The following CEMIP variants were observed in gnomAD, a reference collection of about 807,000 sequenced individuals.
The protein encoded by CEMIP is cell migration-inducing and hyaluronan-binding protein.
In CEMIP, 105 loss-of-function variants were observed where a neutral mutation model predicts 156.9. The ratio of observed to expected loss-of-function variants is 0.67; its 90% CI spans 0.57 to 0.79. CEMIP has a LOEUF of 0.79. Ranked by LOEUF, CEMIP falls within the 30% of genes least tolerant of loss-of-function variation. CEMIP has a pLI of 0.00. For missense variants in CEMIP, 1,457 were observed against 1,769.4 expected (o/e 0.82, Z 3.17); for synonymous variants, 676 against 668.4 (o/e 1.01, Z -0.17).
At chr15:80,857,707 A>G (rs1373662655) in intron 1 of CEMIP, among the ~76,000 whole-genome samples, 1 of 152,122 alleles carries the variant, frequency 6.6e-6, no homozygotes, top group Non-Finnish European at 1.5e-5. Context: ...CCTTGACCAC[A>G]CTCTGAGTAG....
intron 14 of CEMIP, among the ~76,000 whole-genome samples, chr15:80,911,806 C>A (rs1900067396): frequency 1.3e-5 from 2 of 152,122 alleles, no homozygotes; most frequent in Non-Finnish European, 2.9e-5. Flanking sequence ...GGAAGCGGCA[C>A]AAGAATGGCT....
intron 21 of CEMIP, 99 bp downstream of exon 21, chr15:80,929,273 A>G (rs1900814531): frequency 2.1e-6 from 3 of 1,412,892 alleles, no homozygotes; most frequent in South Asian, 1.2e-5. Flanking sequence ...CCTGTTGACT[A>G]TGAATTCTTC....
rs1227575866 is a variant in CEMIP at position 80,906,772 on chromosome 15, A to C, written c.1521A>C (p.Lys507Asn). ...TAGTGATGGGGGAGATGGAGGACAA[A>C]TGCTACCCCTACAGAAACCACATCT... ...NIIVMGEMED[K>N]CYPYRNHICN... The change falls in exon 13 of 30, where the codon AAA (lysine) becomes AAC (asparagine). Residue 507 changes from lysine (K) to asparagine (N), a missense_variant. By Grantham distance (94) the Lys-to-Asn change is moderately conservative. Transcript: ENST00000394685. This position sits in a 1 kb window ranked among gnomAD's most constrained non-coding sequence, Gnocchi z 4.3. 6.2e-7 allele frequency: 1 copy of C among 1,614,144 alleles called. No individual in the cohort carries two copies. The highest frequency in any genetic ancestry group is 8.5e-7 in the Non-Finnish European group (1 of 1,180,020).
rs1435513914 is a variant in CEMIP at position 80,888,688 on chromosome 15, G to A, written c.869-13G>A. 12 of 1,613,544 alleles carry A rather than the reference G, an allele frequency of 7.4e-6. No homozygotes were observed. Among genetic ancestry groups the A allele is most frequent in the South Asian group, 2.2e-5 (2 of 91,068 alleles). On this transcript the variant is annotated splice_polypyrimidine_tract_variant and intron_variant, in intron 8 of 29. Coordinates refer to ENST00000394685, the MANE Select transcript of CEMIP (RefSeq NM_001293298.2). Reference sequence around the variant, plus strand: ...GTCTGTCCAGCTCCTAAAGGGTCTCGTTTCTCTGACAGGACATCGAGGCTC... The same window carrying A: ...GTCTGTCCAGCTCCTAAAGGGTCTCATTTCTCTGACAGGACATCGAGGCTC...
At chr15:80,859,805 T>G (rs143005768) in intron 1 of CEMIP, among the ~76,000 whole-genome samples, 1 of 152,310 alleles carries the variant, frequency 6.6e-6, no homozygotes, top group African/African-American at 2.4e-5. Flanking sequence ...TTTCCTTTAG[T>G]TGGTGGAGAG....
intron 9 of CEMIP, 73 bp downstream of exon 9, chr15:80,888,869 C>A: frequency 1.6e-6 from 2 of 1,288,454 alleles, no homozygotes; most frequent in Non-Finnish European, 2.3e-6. Context: ...CTTTGCAGAA[C>A]TAGGATTTAT....
At chr15:80,861,332 C>A (rs1379924858) in intron 1 of CEMIP, among the ~76,000 whole-genome samples, 1 of 152,184 alleles carries the variant, frequency 6.6e-6, no homozygotes, top group African/African-American at 2.4e-5. Context: ...CCGCCAGTGC[C>A]CCCACACCCA....
In CEMIP at chr15:80,859,142, G is replaced by GATCTATTCAT. The variant is rs1897924483; in HGVS notation, c.-175-14395_-175-14386dup. Among the ~76,000 whole-genome samples the GATCTATTCAT allele has an allele frequency of 2.0e-5, 3 of 152,300 alleles. No individual in the cohort carries two copies. In the South Asian group the frequency reaches 6.2e-4, roughly 32 times the overall value. ...ACCAATCACAGCAGCCAGGGGAATG[G>GATCTATTCAT]ATCTATTCATTGGCCAGGCCGGGTC... On this transcript the variant is annotated intron_variant, in intron 1 of 29. Coordinates refer to ENST00000394685, the MANE Select transcript of CEMIP (RefSeq NM_001293298.2).
chr15:80,861,932 C>G (rs1334213509), intron 1 of CEMIP, among the ~76,000 whole-genome samples: 2 of 152,208 alleles, frequency 1.3e-5, no homozygotes, highest in East Asian at 3.9e-4. Context: ...ACTCTGTGAT[C>G]TAGCTGCTCT....
rs149378911 is a variant in CEMIP at position 80,878,800 on chromosome 15, C to A, written c.174C>A (p.Ile58=). The change falls in exon 4 of 30, where the codon ATC becomes ATA. Residue 58 remains isoleucine (I), a synonymous_variant. Transcript: ENST00000394685. ...PGHDQDHHVH[I]GQGKTLLLTS... The stretch of plus-strand genomic sequence containing the variant: ...ATGACCAAGACCACCATGTGCATAT[C>A]GGCCAGGGCAAGACACTGCTGCTCA... 5.6e-6 allele frequency: 9 copies of A among 1,614,072 alleles called. No individual in the cohort carries two copies. Among genetic ancestry groups the A allele is most frequent in the Admixed American group, 5.0e-5 (3 of 60,008 alleles).
At chr15:80,909,856 A>C (rs924254996) in intron 14 of CEMIP, 1 of 348,828 alleles carries the variant, frequency 2.9e-6, no homozygotes, top group Admixed American at 3.8e-5. Flanking sequence ...CTCGAAGTGA[A>C]CTACATTTCT....
chr15:80,804,284 C>T (rs980197592), intron 1 of CEMIP, among the ~76,000 whole-genome samples: 7 of 152,226 alleles, frequency 4.6e-5, no homozygotes, highest in Non-Finnish European at 7.3e-5. Context: ...CTGTGACTTG[C>T]ATCTTGCAGA....
At chr15:80,919,923 C>T (rs540674382) in intron 14 of CEMIP, among the ~76,000 whole-genome samples, 171 bp from the exon 15 acceptor site, 22 of 152,250 alleles carry the variant, frequency 1.4e-4, no homozygotes, top group Admixed American at 2.0e-4. Flanking sequence ...GCCTGGTGTA[C>T]GGCTGAGACT....
intron 14 of CEMIP, among the ~76,000 whole-genome samples, chr15:80,915,666 C>T (rs1346096481): frequency 2.6e-5 from 4 of 152,088 alleles, no homozygotes; most frequent in Non-Finnish European, 4.4e-5. Context: ...CCCCAGGCTA[C>T]TCCCTCCCCA....
chr15:80,929,118 T>C lies in CEMIP; in HGVS notation c.2556T>C (p.Asn852=), dbSNP rs1278631050. 3 of 1,614,064 alleles carry C rather than the reference T, an allele frequency of 1.9e-6. No homozygotes were observed. Among genetic ancestry groups the C allele is most frequent in the African/African-American group, 2.7e-5 (2 of 74,926 alleles). ...SGNVGTEMMD[N]RIWGPGGLDH... is the part of the protein sequence containing the mutation. ...ACGTGGGGACGGAAATGATGGACAA[T>C]AGGATCTGGGGCCCTGGCGGCTTGG... The change falls in exon 21 of 30, where the codon AAT becomes AAC. Residue 852 remains asparagine, a synonymous_variant. Transcript: ENST00000394685.
intron 1 of CEMIP, among the ~76,000 whole-genome samples, chr15:80,799,111 CCAGA>C (rs1284403462): frequency 6.6e-6 from 1 of 152,216 alleles, no homozygotes; most frequent in African/African-American, 2.4e-5. Context: ...GGGAATTCAG[CCAGA>C]CATTTGATCT....
At position 80,817,935 on chromosome 15, in the gene CEMIP, G is replaced by T. The variant is rs187907709; in HGVS notation, c.-176+38321G>T. Among the ~76,000 whole-genome samples, 4 of 152,188 alleles carry T rather than the reference G, an allele frequency of 2.6e-5. No individual in the cohort carries two copies. In the East Asian group the frequency reaches 7.7e-4, roughly 29 times the overall value. On this transcript the variant is annotated intron_variant, in intron 1 of 29. Coordinates refer to ENST00000394685, the MANE Select transcript of CEMIP (RefSeq NM_001293298.2). Reference sequence around the variant, plus strand: ...AGGTGTTGGTCAGTTAATGTAAAAGGTTTCAGTGTTTCTTAATTATTTAAC... The same window carrying T: ...AGGTGTTGGTCAGTTAATGTAAAAGTTTTCAGTGTTTCTTAATTATTTAAC...
At chr15:80,904,754 A>T (rs986014888) in intron 12 of CEMIP, among the ~76,000 whole-genome samples, 5 of 152,212 alleles carry the variant, frequency 3.3e-5, no homozygotes, top group Non-Finnish European at 5.9e-5. Flanking sequence ...TGGAGCCTCC[A>T]TGAGGAACCA....
At chr15:80,872,308 G>A (rs1454160217) in intron 1 of CEMIP, among the ~76,000 whole-genome samples, 1 of 152,196 alleles carries the variant, frequency 6.6e-6, no homozygotes, top group African/African-American at 2.4e-5. Context: ...AGAAGCCGAA[G>A]CTGGCCACCG....
Sources: allele counts gnomAD v4.1 joint callset (sites outside exome capture counted in the v4.1 genomes callset), GRCh38; gene constraint gnomAD v4.1.1; non-coding constraint Gnocchi (gnomAD v3.1); transcripts MANE v1.5; gene names NCBI Gene and HGNC (gene_info 2026-07-23, HGNC 2026-07-21).